ACMSD: variants seen among roughly 807,000 people sequenced by gnomAD.
The protein encoded by ACMSD is 2-amino-3-carboxymuconate-6-semialdehyde decarboxylase.
In ACMSD, 37 loss-of-function variants were observed where a neutral mutation model predicts 45.9. That is an observed-to-expected ratio of 0.81 (90% CI 0.62 to 1.06). The LOEUF (loss-of-function observed/expected upper bound fraction) is 1.06, where lower values mean the gene tolerates loss of function less well. ACMSD is among the 50% of genes least tolerant of loss of function. ACMSD has a pLI of 0.00. For missense variants in ACMSD, 434 were observed against 420.9 expected (o/e 1.03, Z -0.27); for synonymous variants, 138 against 148.8 (o/e 0.93, Z 0.53).
intron 8 of ACMSD, among the ~76,000 whole-genome samples, chr2:134,884,898 T>C (rs1196145901): frequency 6.6e-6 from 1 of 152,030 alleles, no homozygotes; most frequent in East Asian, 1.9e-4. Flanking sequence ...AAAATATATT[T>C]AATATTTCAG....
At chr2:134,895,734 G>A (rs1690109777) in intron 8 of ACMSD, among the ~76,000 whole-genome samples, 1 of 152,138 alleles carries the variant, frequency 6.6e-6, no homozygotes, top group Admixed American at 6.6e-5. Flanking sequence ...GATGGCGTGT[G>A]CCTGTAATTT....
At chr2:134,872,329 T>A in intron 7 of ACMSD, 140 bp from the exon 8 acceptor site, 1 of 866,390 alleles carries the variant, frequency 1.2e-6, no homozygotes, top group East Asian at 2.6e-5. Context: ...TTCCATCATC[T>A]CCCAGCATTC....
At chr2:134,844,532 G>C (rs1308591352) in intron 1 of ACMSD, 1 of 152,372 alleles carries the variant, frequency 6.6e-6, no homozygotes, top group African/African-American at 2.4e-5. Flanking sequence ...GAGGGGTGGG[G>C]TACGGTGTGT....
intron 1 of ACMSD, among the ~76,000 whole-genome samples, chr2:134,843,042 A>T (rs1686877323): frequency 6.6e-6 from 1 of 152,238 alleles, no homozygotes; most frequent in African/African-American, 2.4e-5. Context: ...TTTCTTCTAC[A>T]TTAAGGATAA....
chr2:134,867,449 TAA>T lies in ACMSD; in HGVS notation c.487-126_487-125del, dbSNP rs1436801018. ...CTTCTATATAGATCATAAAACAACT[TAA>T]AAAGCATTTTAGTTTATTTGTGCAG... On this transcript the variant is annotated intron_variant, in intron 5 of 9. Transcript: ENST00000356140. The T allele has an allele frequency of 4.9e-6, 3 of 617,762 alleles. No individual in the cohort carries two copies. In the Admixed American group the frequency reaches 9.1e-5, roughly 19 times the overall value. 38.3% of individuals were successfully genotyped at this position (617,762 alleles called of 1,614,324 possible). A position where few individuals can be genotyped will look rare whatever the true frequency, so the allele number is the denominator to read the frequency against.
chr2:134,858,486 T>C (rs1687686055), intron 2 of ACMSD, among the ~76,000 whole-genome samples: 2 of 152,170 alleles, frequency 1.3e-5, no homozygotes, highest in Non-Finnish European at 2.9e-5. Flanking sequence ...TATTGTATAC[T>C]TGAAAATTGC....
chr2:134,901,329 A>G (rs560608941), intron 9 of ACMSD, among the ~76,000 whole-genome samples: 6 of 152,302 alleles, frequency 3.9e-5, no homozygotes, highest in African/African-American at 1.4e-4. Flanking sequence ...GAGACCCTTC[A>G]TTTATATCAC....
intron 2 of ACMSD, among the ~76,000 whole-genome samples, chr2:134,850,658 T>TTTA (rs58798180): frequency 0.51 from 76,395 of 151,028 alleles, 20,204 homozygotes; most frequent in Middle Eastern, 0.82. Flanking sequence ...TTAAGAATAA[T>TTTA]TTATTATTAT....
chr2:134,898,552 A>C, intron 9 of ACMSD, 113 bp downstream of exon 9: 2 of 574,374 alleles, frequency 3.5e-6, no homozygotes, highest in Non-Finnish European at 2.9e-6. Flanking sequence ...CATTACACTG[A>C]ATTCCCTAAA....
chr2:134,897,915 T>C (rs1573734988), intron 8 of ACMSD, among the ~76,000 whole-genome samples: 1 of 151,112 alleles, frequency 6.6e-6, no homozygotes. Context: ...TATCGAGTTA[T>C]TTGTTTTTTA....
At chr2:134,852,278 AT>A in intron 2 of ACMSD, among the ~76,000 whole-genome samples, 1 of 152,080 alleles carries the variant, frequency 6.6e-6, no homozygotes, top group South Asian at 2.1e-4. Flanking sequence ...TGAGATGGGG[AT>A]TTGTAAGTTT....
chr2:134,856,702 T>C (rs1687596134), intron 2 of ACMSD, among the ~76,000 whole-genome samples: 2 of 152,236 alleles, frequency 1.3e-5, no homozygotes, highest in Admixed American at 1.3e-4. Flanking sequence ...TTGAGTTCTT[T>C]GAGTTCCTTA....
At position 134,893,507 on chromosome 2, in the gene ACMSD, C is replaced by G. The variant is rs578184948; in HGVS notation, c.850-4834C>G. ...TGGCTACATATTTTTTTAGATAGTA[C>G]TTCTTTCTAGTTCTCTTTCCACCTC... On this transcript the variant is annotated intron_variant, in intron 8 of 9. Transcript: ENST00000356140. Among the ~76,000 whole-genome samples the G allele has an allele frequency of 3.1e-4, 47 of 152,142 alleles. 1 individual carries two copies. Among genetic ancestry groups the G allele is most frequent in the Admixed American group, 2.8e-3 (43 of 15,290 alleles).
chr2:134,892,281 C>G (rs1434856624), intron 8 of ACMSD, among the ~76,000 whole-genome samples: 1 of 151,592 alleles, frequency 6.6e-6, no homozygotes, highest in East Asian at 1.9e-4. Flanking sequence ...ATTTAGGGCT[C>G]CAGCAGAAAA....
At chr2:134,889,036 G>C (rs758165069) in intron 8 of ACMSD, among the ~76,000 whole-genome samples, 1 of 152,200 alleles carries the variant, frequency 6.6e-6, no homozygotes, top group Non-Finnish European at 1.5e-5. Context: ...CTAGCTAGTA[G>C]ATTTGCTTTT....
At chr2:134,869,370 G>A (rs1200266661) in intron 6 of ACMSD, among the ~76,000 whole-genome samples, 2 of 151,840 alleles carry the variant, frequency 1.3e-5, no homozygotes, top group African/African-American at 2.4e-5. Flanking sequence ...ACGCCACCAC[G>A]CACAGCTAAT....
chr2:134,878,509 T>C (rs1488182412), intron 8 of ACMSD, among the ~76,000 whole-genome samples: 1 of 152,122 alleles, frequency 6.6e-6, no homozygotes, highest in African/African-American at 2.4e-5. Flanking sequence ...GTATATTTTG[T>C]AGAGACAGGG....
chr2:134,886,122 T>G (rs903302813), intron 8 of ACMSD, among the ~76,000 whole-genome samples: 24 of 152,090 alleles, frequency 1.6e-4, no homozygotes, highest in Admixed American at 1.4e-3. Flanking sequence ...ATTCCAGGAA[T>G]AGGATGGCCT....
At chr2:134,860,132 G>A (rs1045653230) in intron 3 of ACMSD, among the ~76,000 whole-genome samples, 6 of 152,224 alleles carry the variant, frequency 3.9e-5, no homozygotes, top group South Asian at 4.1e-4. Flanking sequence ...GCATGCTGGC[G>A]CGTGCCTGTA....
Sources: gnomAD v4.1 joint callset for allele counts (sites outside exome capture counted in the v4.1 genomes callset) on GRCh38, gnomAD v4.1.1 for gene constraint, MANE v1.5 for transcripts, NCBI Gene and HGNC (gene_info 2026-07-23, HGNC 2026-07-21) for gene names.